The following CIMAP1A variants were observed in gnomAD, a reference collection of about 807,000 sequenced individuals.
CIMAP1A encodes cancer/testis antigen 135.
At chr11:198,062 CT>C in the CIMAP1A span, 1,349 of 1,544,188 alleles carry the variant, frequency 8.7e-4, 10 homozygotes, top group African/African-American at 0.015. Context: ...TGGACACCCC[CT>C]GACCCGACTT....
chr11:197,974 C>A, the CIMAP1A span: 1 of 1,529,342 alleles, frequency 6.5e-7, no homozygotes, highest in Non-Finnish European at 8.8e-7. Flanking sequence ...CTTTCTCTGC[C>A]AGGCCGACGT....
chr11:198,540 C>G, the CIMAP1A span: 1 of 1,612,858 alleles, frequency 6.2e-7, no homozygotes. Flanking sequence ...CCTTTTCCAT[C>G]AAGGGCCGCA....
the CIMAP1A span, chr11:197,619 C>G: frequency 6.2e-7 from 1 of 1,613,528 alleles, no homozygotes; most frequent in South Asian, 1.1e-5. Context: ...TCCGTGGGGC[C>G]CCCATGCTCC....
At chr11:200,189 A>G in the CIMAP1A span, 2 of 638,108 alleles carry the variant, frequency 3.1e-6, no homozygotes, top group Non-Finnish European at 5.3e-6. Context: ...CTTTTTTTCT[A>G]TGCTATTTTA....
chr11:197,507 C>CG, the CIMAP1A span: 4 of 1,595,956 alleles, frequency 2.5e-6, no homozygotes, highest in East Asian at 6.7e-5. Context: ...TGACTCCCAG[C>CG]GGGGAGAAGG....
the CIMAP1A span, chr11:199,523 AC>A: frequency 6.4e-7 from 1 of 1,551,142 alleles, no homozygotes; most frequent in Non-Finnish European, 8.7e-7. Context: ...CAGGAAGAGC[AC>A]AGCTCAGAGG....
At chr11:197,961 G>A in the CIMAP1A span, 6 of 1,525,372 alleles carry the variant, frequency 3.9e-6, no homozygotes, top group Non-Finnish European at 5.3e-6. Context: ...CTCCGACCTG[G>A]ACCTTTCTCT....
At chr11:199,887 G>C in the CIMAP1A span, 1 of 1,600,108 alleles carries the variant, frequency 6.2e-7, no homozygotes, top group Admixed American at 1.7e-5. Flanking sequence ...AGCCAGGGCA[G>C]AGACCTGCAG....
At chr11:198,095 C>T in the CIMAP1A span, 2 of 1,550,296 alleles carry the variant, frequency 1.3e-6, no homozygotes, top group African/African-American at 1.4e-5. Flanking sequence ...GTGTTGGAGC[C>T]CAGAGGCCCC....
At chr11:197,380 C>T in the CIMAP1A span, 1 of 1,600,308 alleles carries the variant, frequency 6.2e-7, no homozygotes, top group Middle Eastern at 1.7e-4. Flanking sequence ...CTACAGCAGC[C>T]CTGGACCCAA....
chr11:200,144 C>A, the CIMAP1A span: 1 of 1,020,076 alleles, frequency 9.8e-7, no homozygotes, highest in Non-Finnish European at 1.5e-6. Context: ...CCCTGCAGGG[C>A]AGAGCACGCT....
the CIMAP1A span, chr11:199,500 C>G: frequency 6.4e-7 from 1 of 1,555,600 alleles, no homozygotes; most frequent in Non-Finnish European, 8.7e-7. Flanking sequence ...GCGCCCACAG[C>G]CCTGAGAAGG....
the CIMAP1A span, chr11:197,488 C>G: frequency 7.5e-6 from 12 of 1,591,302 alleles, no homozygotes; most frequent in Non-Finnish European, 1.0e-5. Context: ...GGGCCTGGGG[C>G]TCAATCCCTG....
At chr11:199,169 G>A in the CIMAP1A span, 1 of 1,421,762 alleles carries the variant, frequency 7.0e-7, no homozygotes. Context: ...CTGAAATGGA[G>A]GAAGTGACCC....
the CIMAP1A span, chr11:198,710 CT>C: frequency 4.0e-6 from 6 of 1,486,994 alleles, no homozygotes; most frequent in Non-Finnish European, 5.4e-6. Flanking sequence ...GCCCTTCACC[CT>C]CTGGGCACCT....
the CIMAP1A span, chr11:199,842 G>A: frequency 5.3e-6 from 8 of 1,508,484 alleles, no homozygotes; most frequent in Non-Finnish European, 7.1e-6. Flanking sequence ...TGGCCACCTT[G>A]GCCCCAGGTT....
At chr11:198,874 G>A in the CIMAP1A span, 2 of 1,297,974 alleles carry the variant, frequency 1.5e-6, no homozygotes, top group Non-Finnish European at 2.0e-6. Flanking sequence ...AGATAGGGTA[G>A]CATGGAAAGA....
At chr11:197,823 G>A in the CIMAP1A span, 13 of 1,571,172 alleles carry the variant, frequency 8.3e-6, no homozygotes, top group East Asian at 2.3e-5. Flanking sequence ...TCCCTGCTGG[G>A]TGCCCCTAAC....
chr11:197,624 T>C, the CIMAP1A span: 3 of 1,613,486 alleles, frequency 1.9e-6, no homozygotes, highest in South Asian at 1.1e-5. Flanking sequence ...GGGGCCCCCA[T>C]GCTCCTGGCA....
Sources: allele counts gnomAD v4.1 joint callset, GRCh38; gene constraint gnomAD v4.1.1; transcripts MANE v1.5; gene names NCBI Gene and HGNC (gene_info 2026-07-23, HGNC 2026-07-21).